The following SYCP1 variants were observed in gnomAD, a reference collection of about 807,000 sequenced individuals.
The protein encoded by SYCP1 is cancer/testis antigen 8.
SYCP1 carries 64 observed loss-of-function variants against 153.1 expected under a neutral mutation model. That is an observed-to-expected ratio of 0.42 (90% CI 0.34 to 0.51). SYCP1 has a LOEUF of 0.51. SYCP1 is among the 20% of genes least tolerant of loss of function. SYCP1 has a pLI of 0.06. For synonymous variants in SYCP1, 384 were observed against 341.8 expected, an observed-to-expected ratio of 1.12 and a Z score of -1.36; for missense variants, 997 against 1,049.0, an observed-to-expected ratio of 0.95 and a Z score of 0.68.
At position 114,874,486 on chromosome 1, in the gene SYCP1, A is replaced by C; in HGVS notation, c.599-20A>C. On this transcript the variant is annotated intron_variant, in intron 8 of 31. Coordinates refer to ENST00000369522, the MANE Select transcript of SYCP1 (RefSeq NM_003176.4). ...ATCTTATTTTAAAATTTAATCTTGAAATTTTTATATTAACAATAGATGAAT... is the reference window on the plus strand; with the variant it reads ...ATCTTATTTTAAAATTTAATCTTGACATTTTTATATTAACAATAGATGAAT... 1 of 1,451,026 alleles carries C rather than the reference A, an allele frequency of 6.9e-7. No homozygotes were observed. The highest frequency in any genetic ancestry group is 9.5e-7 in the Non-Finnish European group (1 of 1,057,370). The allele number at this position is 1,451,026 out of a possible 1,614,324, so 89.9% of individuals were successfully genotyped here. A position where few individuals can be genotyped will look rare whatever the true frequency, so the allele number is the denominator to read the frequency against.
intron 16 of SYCP1, among the ~76,000 whole-genome samples, chr1:114,904,082 A>G (rs1033405335): frequency 2.7e-5 from 4 of 149,808 alleles, no homozygotes; most frequent in African/African-American, 9.8e-5. Flanking sequence ...GTTCCTTTAC[A>G]TTTCCATATA....
At chr1:114,992,068 T>C (rs891494937) in intron 30 of SYCP1, among the ~76,000 whole-genome samples, 3 of 151,798 alleles carry the variant, frequency 2.0e-5, no homozygotes, top group African/African-American at 7.2e-5. Context: ...TCTAAAAGAA[T>C]TTAAATACTT....
Position 114,876,737 on chromosome 1 carries a change from T to C in SYCP1, c.728T>C (p.Leu243Ser). The C allele has an allele frequency of 7.5e-7, 1 of 1,341,970 alleles. No individual in the cohort carries two copies. Among genetic ancestry groups the C allele is most frequent in the Non-Finnish European group, 9.8e-7 (1 of 1,023,680 alleles). The allele number at this position is 1,341,970 out of a possible 1,614,324, so 83.1% of individuals were successfully genotyped here. Reference sequence around the variant, plus strand: ...CAGTATATTTGTTTTATTTTTAAAGTAAAGGAAGATTATGAAAAAATCCAA... The same window carrying C: ...CAGTATATTTGTTTTATTTTTAAAGCAAAGGAAGATTATGAAAAAATCCAA... ...ENSRLEMHFK[L>S]KEDYEKIQHL... The change falls in exon 11 of 32, where the codon TTA (leucine) becomes TCA (serine). Residue 243 changes from leucine to serine, a missense_variant and splice_region_variant. By Grantham distance (145) the Leu-to-Ser change is moderately radical (BLOSUM62 -2). Transcript: ENST00000369522.
chr1:114,858,517 C>G, intron 5 of SYCP1, 30 bp from the exon 6 acceptor site: 1 of 1,532,262 alleles, frequency 6.5e-7, no homozygotes, highest in Non-Finnish European at 8.8e-7. Flanking sequence ...GAATTTTGGA[C>G]AATTAATTTT....
Position 114,895,459 on chromosome 1 carries a change from A to C in SYCP1, c.1270A>C (p.Lys424Gln), listed in dbSNP as rs1257863405. 2 of 1,525,956 alleles carry C rather than the reference A, an allele frequency of 1.3e-6. No individual in the cohort carries two copies. The highest frequency in any genetic ancestry group is 1.8e-6 in the Non-Finnish European group (2 of 1,123,546). The allele number at this position is 1,525,956 out of a possible 1,614,324, so 94.5% of individuals were successfully genotyped here. Residue 424 changes from lysine to glutamine, a missense_variant, in exon 16 of 32, where the codon AAG becomes CAG. Lys to Gln is a moderately conservative substitution (Grantham distance 53, BLOSUM62 1). Around this residue, in one of 2 missense-constraint regions of SYCP1, gnomAD observed 712 missense variants for 682.9 expected, o/e 1.04. Transcript: ENST00000369522. The part of the protein sequence containing the change: ...KKSSELEEMT[K>Q]LTNNKEVELE... ...TTTGCTCATTTTAGAAGAGATGACT[A>C]AGCTTACAAATAACAAAGAAGTAGA...
intron 30 of SYCP1, among the ~76,000 whole-genome samples, chr1:114,991,903 G>A (rs774554056): frequency 1.3e-5 from 2 of 151,740 alleles, no homozygotes; most frequent in Non-Finnish European, 2.9e-5. Context: ...ATAGAAAATT[G>A]CGAAGACTCT....
At position 114,857,136 on chromosome 1, in the gene SYCP1, C is replaced by CAAGAAAAAAAA. The variant is rs1553183140; in HGVS notation, c.194-94_194-93insGAAAAAAAAAA. On this transcript the variant is annotated intron_variant, in intron 3 of 31. Transcript: ENST00000369522. ...ATAGTGCCAGATGTCCTCTCTCTCT[C>CAAGAAAAAAAA]AAAAAAAAAAAAAAAAAAAAAGAGA... The CAAGAAAAAAAA allele has an allele frequency of 1.1e-3, 276 of 245,146 alleles. 1 individual carries two copies. Among genetic ancestry groups the CAAGAAAAAAAA allele is most frequent in the Non-Finnish European group, 1.5e-3 (258 of 170,172 alleles). The allele number at this position is 245,146 out of a possible 1,614,324, so 15.2% of individuals were successfully genotyped here.
At chr1:114,886,369 T>C in intron 14 of SYCP1, 60 bp downstream of exon 14, 5 of 1,363,482 alleles carry the variant, frequency 3.7e-6, no homozygotes, top group Non-Finnish European at 4.8e-6. Flanking sequence ...TTACTTTTAA[T>C]ATTCAATGCC....
intron 12 of SYCP1, among the ~76,000 whole-genome samples, chr1:114,883,613 G>A (rs942288697): frequency 3.3e-5 from 5 of 152,148 alleles, no homozygotes; most frequent in African/African-American, 7.2e-5. Flanking sequence ...TATACATTCC[G>A]TTCCGATACA....
intron 27 of SYCP1, among the ~76,000 whole-genome samples, chr1:114,969,750 C>T (rs1290541366): frequency 6.6e-6 from 1 of 152,156 alleles, no homozygotes; most frequent in Non-Finnish European, 1.5e-5. Context: ...CAGTTTTGTG[C>T]TTGAAACCCA....
At chr1:114,890,494 G>A (rs942113597) in intron 15 of SYCP1, among the ~76,000 whole-genome samples, 2 of 151,922 alleles carry the variant, frequency 1.3e-5, no homozygotes, top group African/African-American at 4.8e-5. Flanking sequence ...ATTGATGGAG[G>A]TATGTTAATA....
At position 114,994,988 on chromosome 1, in the gene SYCP1, A is replaced by AT; in HGVS notation, c.2900_2901insT (p.Lys967AsnfsTer6). On this transcript the variant is annotated frameshift_variant, in exon 32 of 32. Transcript: ENST00000369522. LOFTEE classifies it high-confidence loss of function. The stretch of plus-strand genomic sequence containing the variant: ...ATTGCTAAAATGGATAGAAAAAAAA[A>AT]ACTAAAAGAAGCTGAAAAGTTATTT... 6.2e-7 allele frequency: 1 copy of AT among 1,602,588 alleles called. No homozygotes were observed. Among genetic ancestry groups the AT allele is most frequent in the Non-Finnish European group, 8.5e-7 (1 of 1,175,120 alleles).
intron 28 of SYCP1, among the ~76,000 whole-genome samples, chr1:114,979,952 C>T (rs12125141): frequency 0.11 from 17,151 of 151,690 alleles, 1,379 homozygotes; most frequent in Non-Finnish European, 0.17. Flanking sequence ...CTAATTTAAA[C>T]GCACTGAAAG....
intron 8 of SYCP1, among the ~76,000 whole-genome samples, chr1:114,864,881 A>T (rs1447922043): frequency 5.9e-5 from 9 of 151,968 alleles, no homozygotes; most frequent in Admixed American, 5.9e-4. Context: ...TTATTATTAT[A>T]CTTTAAGTTT....
intron 23 of SYCP1, among the ~76,000 whole-genome samples, chr1:114,931,035 T>C (rs1268729493): frequency 6.6e-6 from 1 of 151,724 alleles, no homozygotes; most frequent in Non-Finnish European, 1.5e-5. Context: ...AATATAATTA[T>C]CTCAATAGTT....
chr1:114,974,732 T>C (rs1042362693), intron 27 of SYCP1, among the ~76,000 whole-genome samples: 2 of 151,860 alleles, frequency 1.3e-5, no homozygotes, highest in African/African-American at 4.8e-5. Context: ...ATTATTTTTC[T>C]TTTGATGGAC....
At chr1:114,990,960 A>G (rs989499541) in intron 30 of SYCP1, among the ~76,000 whole-genome samples, 6 of 151,948 alleles carry the variant, frequency 3.9e-5, no homozygotes, top group African/African-American at 1.4e-4. Context: ...TGAAAGTGCC[A>G]TGCACCTTCC....
intron 11 of SYCP1, 61 bp from the exon 12 acceptor site, chr1:114,878,033 T>A (rs1665661251): frequency 4.1e-6 from 4 of 964,402 alleles, no homozygotes; most frequent in Non-Finnish European, 6.1e-6. Flanking sequence ...GTAGGTATTA[T>A]AAATGTTAAG....
intron 23 of SYCP1, among the ~76,000 whole-genome samples, chr1:114,932,663 C>T (rs1052826755): frequency 5.9e-5 from 9 of 152,172 alleles, no homozygotes; most frequent in South Asian, 4.1e-4. Flanking sequence ...CAAGAGAAGC[C>T]GTGACTGATG....
Sources: allele counts gnomAD v4.1 joint callset (sites outside exome capture counted in the v4.1 genomes callset), GRCh38; gene constraint gnomAD v4.1.1; regional missense constraint gnomAD v4.1.1; transcripts MANE v1.5; gene names NCBI Gene and HGNC (gene_info 2026-07-23, HGNC 2026-07-21).